DACH2: variants seen among roughly 807,000 people sequenced by gnomAD.
DACH2 encodes the protein dachshund homolog 2.
A neutral mutation model predicts 35.8 loss-of-function variants in DACH2; 17 were observed. The observed-to-expected ratio is 0.48, with a 90% CI of 0.33 to 0.71. The LOEUF (loss-of-function observed/expected upper bound fraction) is 0.71, where lower values mean the gene tolerates loss of function less well. Among genes scored for constraint, DACH2 ranks in the 30% least tolerant of loss-of-function variants. DACH2 has a pLI of 0.02. For synonymous variants in DACH2, 195 were observed against 177.3 expected (o/e 1.10, Z -0.79); for missense variants, 469 against 472.7 (o/e 0.99, Z 0.07).
chrX:86,296,749 A>T (rs1046193275), intron 1 of DACH2, among the ~76,000 whole-genome samples: 2 of 111,129 alleles, frequency 1.8e-5, no homozygotes, highest in Non-Finnish European at 3.8e-5. Context: ...AATTTATTAC[A>T]TATATACTGG....
At chrX:86,565,061 T>A (rs1240354342) in intron 3 of DACH2, among the ~76,000 whole-genome samples, 1 of 111,601 alleles carries the variant, frequency 9.0e-6, no homozygotes, top group Non-Finnish European at 1.9e-5. Context: ...CATTTATTGT[T>A]CACAAGATGA....
At chrX:86,804,409 G>T (rs1239314429) in intron 7 of DACH2, among the ~76,000 whole-genome samples, 3 of 111,455 alleles carry the variant, frequency 2.7e-5, no homozygotes, top group Non-Finnish European at 5.7e-5. Flanking sequence ...CTCCCACCAG[G>T]CTGCATCTCC....
Position 86,812,913 on chromosome X carries a change from C to T in DACH2, c.1298C>T (p.Thr433Ile), listed in dbSNP as rs780545351. The change falls in exon 8 of 12, where the codon ACT (threonine) becomes ATT (isoleucine). Residue 433 changes from threonine (T) to isoleucine (I), a missense_variant. Physicochemically the swap from Thr to Ile is moderately conservative, Grantham distance 89. Coordinates refer to ENST00000373125, the MANE Select transcript of DACH2 (RefSeq NM_053281.3). The part of the protein sequence containing the change: ...MKSPLDKIQL[T>I]PGQALPAGFP... ...TCACCCTTGGACAAGATACAGCTGA[C>T]TCCTGGGCAGGCATTGCCCGCTGGA... The T allele has an allele frequency of 1.2e-5, 15 of 1,206,250 alleles. No homozygotes were observed. The highest frequency in any genetic ancestry group is 1.2e-4 in the South Asian group (7 of 56,529).
rs1230621947 is a variant in DACH2, at chrX:86,523,522, A to G, written c.640+9131A>G. Among the ~76,000 whole-genome samples, 5 of 111,820 alleles carry G rather than the reference A, an allele frequency of 4.5e-5. No individual in the cohort carries two copies. The East Asian group carries it at 8.4e-4, about 19-fold the overall frequency. The stretch of plus-strand genomic sequence containing the variant: ...AGCAGTAAAAAATAGTTTAATTGAC[A>G]TAAAGACAATCACACAGGAGATGAA... On this transcript the variant is annotated intron_variant, in intron 3 of 11. Coordinates refer to ENST00000373125, the MANE Select transcript of DACH2 (RefSeq NM_053281.3).
chrX:86,251,486 C>A (rs1349562547), intron 1 of DACH2, among the ~76,000 whole-genome samples: 1 of 110,808 alleles, frequency 9.0e-6, no homozygotes, highest in Non-Finnish European at 1.9e-5. Context: ...TATCCCTCAC[C>A]ACTCTCTCAC....
chrX:86,483,157 AT>A (rs1569417313), intron 2 of DACH2, among the ~76,000 whole-genome samples: 1 of 103,324 alleles, frequency 9.7e-6, no homozygotes, highest in African/African-American at 4.0e-5. Flanking sequence ...AAAAACAAGC[AT>A]AAAAAAAAAA....
At chrX:86,223,784 A>G (rs1272217068) in intron 1 of DACH2, among the ~76,000 whole-genome samples, 1 of 112,100 alleles carries the variant, frequency 8.9e-6, no homozygotes, top group Non-Finnish European at 1.9e-5. Context: ...GATAGATCTG[A>G]GCTTTAAGGA....
chrX:86,464,417 G>T (rs2037629294), intron 2 of DACH2, among the ~76,000 whole-genome samples: 1 of 111,211 alleles, frequency 9.0e-6, no homozygotes, highest in South Asian at 3.7e-4. Context: ...ACTAACACAG[G>T]AACAGAAAAC....
intron 2 of DACH2, among the ~76,000 whole-genome samples, chrX:86,504,508 ATT>A (rs1447871605): frequency 2.5e-4 from 27 of 107,706 alleles, no homozygotes; most frequent in African/African-American, 9.3e-4. Flanking sequence ...TTATTTATTT[ATT>A]TATTTTAAAA....
intron 1 of DACH2, among the ~76,000 whole-genome samples, chrX:86,169,419 T>C (rs1348505356): frequency 9.0e-6 from 1 of 111,649 alleles, no homozygotes; most frequent in Non-Finnish European, 1.9e-5. Flanking sequence ...TGTACTTGTA[T>C]ATTGATATCT....
intron 4 of DACH2, among the ~76,000 whole-genome samples, chrX:86,685,443 T>C (rs2040931340): frequency 8.9e-6 from 1 of 111,968 alleles, no homozygotes; most frequent in Non-Finnish European, 1.9e-5. Context: ...AATATCTTGC[T>C]CTATCTTTGT....
intron 2 of DACH2, among the ~76,000 whole-genome samples, chrX:86,468,344 T>G (rs774801577): frequency 9.0e-6 from 1 of 111,288 alleles, no homozygotes; most frequent in Admixed American, 9.6e-5. Flanking sequence ...TCCTCTTTCT[T>G]TGAATATATA....
chrX:86,556,829 G>GAGAGAA (rs747040901), intron 3 of DACH2, among the ~76,000 whole-genome samples: 9 of 79,362 alleles, frequency 1.1e-4, no homozygotes, highest in East Asian at 8.7e-4. Flanking sequence ...GAGAGAGAGA[G>GAGAGAA]AAGAAGAAAT....
chrX:86,583,323 A>G (rs1327780172), intron 3 of DACH2, among the ~76,000 whole-genome samples: 1 of 110,766 alleles, frequency 9.0e-6, no homozygotes, highest in African/African-American at 3.3e-5. Context: ...GCCAAACCTT[A>G]TCACTCTTAT....
intron 1 of DACH2, among the ~76,000 whole-genome samples, chrX:86,370,356 C>T (rs2035868399): frequency 9.0e-6 from 1 of 111,341 alleles, no homozygotes; most frequent in Admixed American, 9.6e-5. Flanking sequence ...TAATTGTGTC[C>T]AACGTTTTAA....
rs2040282352 is a variant in DACH2, at chrX:86,637,246, A to AAAAAAAC, written c.641-13790_641-13789insAAAAAAC. Among the ~76,000 whole-genome samples the AAAAAAAC allele has an allele frequency of 2.4e-5, 2 of 81,849 alleles. 1 individual carries two copies. Among genetic ancestry groups the AAAAAAAC allele is most frequent in the East Asian group, 1.2e-3 (2 of 1,639 alleles). The allele number at this position is 81,849 out of a possible 115,157, so 71.1% of individuals were successfully genotyped here. ...AAAAAAAAAAAAAAAAAAAAAAAAAACAGATGCTGGTTAGTTTTCAGAGAA... is the reference window on the plus strand; with the variant it reads ...AAAAAAAAAAAAAAAAAAAAAAAAAAAAAAAACCAGATGCTGGTTAGTTTTCAGAGAA... On this transcript the variant is annotated intron_variant, in intron 3 of 11. Coordinates refer to ENST00000373125, the MANE Select transcript of DACH2 (RefSeq NM_053281.3).
At chrX:86,237,780 C>T (rs1206305128) in intron 1 of DACH2, among the ~76,000 whole-genome samples, 4 of 111,971 alleles carry the variant, frequency 3.6e-5, no homozygotes, top group Admixed American at 1.9e-4. Context: ...GGCATGGACA[C>T]TGGCTCCCTG....
At chrX:86,422,029 C>T (rs2036811693) in intron 2 of DACH2, among the ~76,000 whole-genome samples, 1 of 110,860 alleles carries the variant, frequency 9.0e-6, no homozygotes, top group African/African-American at 3.3e-5. Flanking sequence ...AAACTTATGC[C>T]AATAACTTGT....
At chrX:86,434,809 G>A (rs2037041055) in intron 2 of DACH2, among the ~76,000 whole-genome samples, 1 of 111,772 alleles carries the variant, frequency 8.9e-6, no homozygotes, top group South Asian at 3.7e-4. Flanking sequence ...AGGCTGTACA[G>A]GAATCATGGT....
Sources: allele counts gnomAD v4.1 joint callset (sites outside exome capture counted in the v4.1 genomes callset), GRCh38; gene constraint gnomAD v4.1.1; transcripts MANE v1.5; gene names NCBI Gene and HGNC (gene_info 2026-07-23, HGNC 2026-07-21).